Variants in SCYL2 observed in about 807,000 individuals in gnomAD.
The protein encoded by SCYL2 is SCY1-like protein 2.
SCYL2 carries 36 observed loss-of-function variants against 100.4 expected under a neutral mutation model. That is an observed-to-expected ratio of 0.36 (90% CI 0.27 to 0.47). SCYL2 has a LOEUF of 0.47. SCYL2 is among the 20% of genes least tolerant of loss of function. The pLI is 1.00. For synonymous variants in SCYL2, 330 were observed against 359.2 expected (o/e 0.92, Z 0.92); for missense variants, 902 against 1,083.9 (o/e 0.83, Z 2.36).
intron 9 of SCYL2, among the ~76,000 whole-genome samples, chr12:100,316,431 T>C (rs1275999075): frequency 6.6e-6 from 1 of 152,232 alleles, no homozygotes; most frequent in African/African-American, 2.4e-5. Context: ...AAAGGATTGT[T>C]GAGATTAAAT....
intron 1 of SCYL2, among the ~76,000 whole-genome samples, chr12:100,270,727 G>GGC (rs2096286748): frequency 1.3e-5 from 2 of 150,748 alleles, no homozygotes; most frequent in South Asian, 4.2e-4. Context: ...CTCCTGCCTT[G>GGC]GCCTCCCAAA....
Position 100,341,659 on chromosome 12 carries a change from C to A in SCYL2, c.*2487C>A, listed in dbSNP as rs113595681. 1 of 152,082 alleles carries A rather than the reference C, an allele frequency of 6.6e-6. No individual in the cohort carries two copies. The highest frequency in any genetic ancestry group is 1.5e-5 in the Non-Finnish European group (1 of 67,994). 9.4% of individuals were successfully genotyped at this position (152,082 alleles called of 1,614,324 possible). ...TACACATGAAAGAAAAAGGTATATG[C>A]GAACATACCTGATATCAAGAGGAGT... On this transcript the variant is annotated 3_prime_UTR_variant, in exon 18 of 18. Transcript: ENST00000360820.
rs1952352225 is a variant in SCYL2 at position 100,341,477 on chromosome 12, T to C, written c.*2305T>C. 6.6e-6 allele frequency: 1 copy of C among 152,172 alleles called. No homozygotes were observed. The highest frequency in any genetic ancestry group is 2.1e-4 in the South Asian group (1 of 4,832). 9.4% of individuals were successfully genotyped at this position (152,172 alleles called of 1,614,324 possible). ...TTCTCCTATTGCTAAATGTGTGATATATAGAGAGGATGTATAAAAGGAAAT... is the reference window on the plus strand; with the variant it reads ...TTCTCCTATTGCTAAATGTGTGATACATAGAGAGGATGTATAAAAGGAAAT... On this transcript the variant is annotated 3_prime_UTR_variant, in exon 18 of 18. Coordinates refer to ENST00000360820, the MANE Select transcript of SCYL2 (RefSeq NM_017988.6).
intron 10 of SCYL2, among the ~76,000 whole-genome samples, chr12:100,320,711 G>A (rs2096354821): frequency 6.6e-6 from 1 of 152,086 alleles, no homozygotes; most frequent in Non-Finnish European, 1.5e-5. Context: ...TGATTGGACA[G>A]CATGGCACTT....
At chr12:100,308,947 G>T (rs1167275864) in intron 4 of SCYL2, among the ~76,000 whole-genome samples, 2 of 152,160 alleles carry the variant, frequency 1.3e-5, no homozygotes, top group Non-Finnish European at 2.9e-5. Context: ...ATGTCTCTAT[G>T]CTGTACATCC....
At chr12:100,323,681 C>T (rs1259544528) in intron 11 of SCYL2, 43 bp downstream of exon 11, 3 of 1,019,296 alleles carry the variant, frequency 2.9e-6, no homozygotes, top group East Asian at 2.4e-5. Flanking sequence ...TTTCACTTGT[C>T]AGTGCTTTAA....
chr12:100,328,001 G>T (rs1391991042), intron 12 of SCYL2, among the ~76,000 whole-genome samples: 1 of 152,090 alleles, frequency 6.6e-6, no homozygotes, highest in African/African-American at 2.4e-5. Flanking sequence ...TTCTTGGCTG[G>T]ATGCAGTGGC....
rs1592932136 is a variant in SCYL2 at position 100,283,585 on chromosome 12, G to A, written c.177+438G>A. On this transcript the variant is annotated intron_variant, in intron 2 of 17. Coordinates refer to ENST00000360820, the MANE Select transcript of SCYL2 (RefSeq NM_017988.6). The stretch of plus-strand genomic sequence containing the variant: ...GTGCAGTCAGTGCTGGGATTACAGC[G>A]TGAGCCACCGTGCCCGGCCAAAATC... Among the ~76,000 whole-genome samples, 4 of 152,212 alleles carry A rather than the reference G, an allele frequency of 2.6e-5. 1 individual carries two copies. Among genetic ancestry groups the A allele is most frequent in the African/African-American group, 4.8e-5 (2 of 41,526 alleles).
chr12:100,298,817 C>T (rs1196194377), intron 4 of SCYL2, among the ~76,000 whole-genome samples: 2 of 152,084 alleles, frequency 1.3e-5, no homozygotes, highest in Admixed American at 6.5e-5. Context: ...CTCCTGACCT[C>T]GTGATCCACC....
At chr12:100,331,480 G>A (rs371318624) in intron 13 of SCYL2, among the ~76,000 whole-genome samples, 15 of 152,126 alleles carry the variant, frequency 9.9e-5, no homozygotes, top group Admixed American at 6.5e-4. Flanking sequence ...GGTGGTGTGC[G>A]CCTGTAGTCC....
chr12:100,293,402 C>T (rs1371879487), intron 3 of SCYL2, among the ~76,000 whole-genome samples: 1 of 152,230 alleles, frequency 6.6e-6, no homozygotes, highest in African/African-American at 2.4e-5. Context: ...ACTTATCCTA[C>T]ACTTTCCTGA....
At chr12:100,287,308 G>A (rs1446765824) in intron 2 of SCYL2, among the ~76,000 whole-genome samples, 1 of 152,066 alleles carries the variant, frequency 6.6e-6, no homozygotes, top group Non-Finnish European at 1.5e-5. Context: ...TTTCCAGAGA[G>A]GGGGTCTTAA....
chr12:100,334,004 A>C (rs76205955), intron 13 of SCYL2, 162 bp from the exon 14 acceptor site: 973 of 509,710 alleles, frequency 1.9e-3, no homozygotes, highest in Non-Finnish European at 2.8e-3. Context: ...TGATATGCCG[A>C]ATTTAAATGT....
intron 1 of SCYL2, among the ~76,000 whole-genome samples, chr12:100,268,166 A>G (rs2096281779): frequency 6.6e-6 from 1 of 152,220 alleles, no homozygotes; most frequent in South Asian, 2.1e-4. Flanking sequence ...TAGTGACTTC[A>G]TTGGAAGGTG....
At chr12:100,314,333 C>G (rs991615253) in intron 7 of SCYL2, among the ~76,000 whole-genome samples, 156 bp from the exon 8 acceptor site, 1 of 152,164 alleles carries the variant, frequency 6.6e-6, no homozygotes, top group Non-Finnish European at 1.5e-5. Context: ...CATTTATTTT[C>G]TTATTCAGAG....
chr12:100,292,060 A>C (rs2096311308), intron 3 of SCYL2: 1 of 158,180 alleles, frequency 6.3e-6, no homozygotes, highest in Non-Finnish European at 1.4e-5. Flanking sequence ...ACTGTTTCAG[A>C]CACTTAACCT....
rs1026196694 is a variant in SCYL2, at chr12:100,341,016, G to A, written c.*1844G>A. On this transcript the variant is annotated 3_prime_UTR_variant, in exon 18 of 18. Coordinates refer to ENST00000360820, the MANE Select transcript of SCYL2 (RefSeq NM_017988.6). ...TTTTGTAAAATAACATGATGTTAGT[G>A]TTGAACTCTTAAACAGAAAGAAAGC... 2.6e-5 allele frequency: 4 copies of A among 151,966 alleles called. No homozygotes were observed. 9.4% of individuals were successfully genotyped at this position (151,966 alleles called of 1,614,324 possible). A position where few individuals can be genotyped will look rare whatever the true frequency, so the allele number is the denominator to read the frequency against.
chr12:100,313,468 T>G lies in SCYL2; in HGVS notation c.899T>G (p.Val300Gly). ...SSSLTNIPEE[V>G]REHVKLLLNV... ...TCACTTACAAATATACCTGAGGAAGTTCGTGAACATGTAAAGCTACTGTTA... is the reference window on the plus strand; with the variant it reads ...TCACTTACAAATATACCTGAGGAAGGTCGTGAACATGTAAAGCTACTGTTA... Residue 300 changes from valine (V) to glycine (G), a missense_variant, in exon 7 of 18, where the codon GTT becomes GGT. Transcript: ENST00000360820. 1.2e-6 allele frequency: 2 copies of G among 1,611,000 alleles called. No homozygotes were observed. Among genetic ancestry groups the G allele is most frequent in the Non-Finnish European group, 8.5e-7 (1 of 1,177,588 alleles).
chr12:100,283,258 AAATGGGTTCTTT>A (rs2096300834), intron 2 of SCYL2, 111 bp downstream of exon 2: 1 of 856,350 alleles, frequency 1.2e-6, no homozygotes, highest in Non-Finnish European at 1.8e-6. Flanking sequence ...ATAGGTTCTT[AAATGGGTTCTTT>A]AGTTCTCATT....
Sources: gnomAD v4.1 joint callset for allele counts (sites outside exome capture counted in the v4.1 genomes callset) on GRCh38, gnomAD v4.1.1 for gene constraint, MANE v1.5 for transcripts, NCBI Gene and HGNC (gene_info 2026-07-23, HGNC 2026-07-21) for gene names.